The following TANC1 variants were observed in gnomAD, a reference collection of about 807,000 sequenced individuals.
TANC1 encodes the protein tetratricopeptide repeat, ankyrin repeat and coiled-coil containing 1.
Under a neutral mutation model 149.7 loss-of-function variants are expected in TANC1, and 77 were observed. That is an observed-to-expected ratio of 0.51 (90% confidence interval 0.43 to 0.62). The LOEUF is 0.62. TANC1 is among the 20% of genes least tolerant of loss of function. The probability of loss-of-function intolerance (pLI) is 0.00; values close to 1 mark genes in which losing one functional copy is unlikely to be tolerated. For synonymous variants in TANC1, 854 were observed against 925.0 expected (o/e 0.92, Z 1.39); for missense variants, 1,985 against 2,321.8 (o/e 0.85, Z 2.98).
chr2:159,185,695 A>G (rs2056907911), intron 14 of TANC1, 96 bp from the exon 15 acceptor site: 1 of 783,976 alleles, frequency 1.3e-6, no homozygotes, highest in African/African-American at 1.7e-5. Flanking sequence ...ACGGGCATAA[A>G]TCAGTGACTA....
At chr2:159,023,942 T>C (rs2149440921) in intron 2 of TANC1, among the ~76,000 whole-genome samples, 1 of 150,174 alleles carries the variant, frequency 6.7e-6, no homozygotes, top group East Asian at 2.0e-4. Context: ...CACTCCAGCC[T>C]GGGTGACAGA....
chr2:159,206,396 C>T (rs1575253433), intron 19 of TANC1, among the ~76,000 whole-genome samples: 1 of 152,154 alleles, frequency 6.6e-6, no homozygotes, highest in East Asian at 1.9e-4. Context: ...GGGTGGGTTC[C>T]GGAGACCACT....
rs370231528 is a variant in TANC1 at position 159,230,694 on chromosome 2, G to A, written c.5268G>A (p.Thr1756=). 59 of 1,614,076 alleles carry A rather than the reference G, an allele frequency of 3.7e-5. No homozygotes were observed. Among genetic ancestry groups the A allele is most frequent in the South Asian group, 9.9e-5 (9 of 91,086 alleles). Residue 1756 remains threonine (T), a synonymous_variant, in exon 27 of 27, where the codon ACG becomes ACA. Transcript: ENST00000263635. This position sits in a 1 kb window ranked among gnomAD's most constrained non-coding sequence, Gnocchi z 4.4. ...CPAPEGLLTN[T]SSAAGLQSAN... ...CACCAGAGGGGCTGCTGACAAACAC[G>A]TCTTCTGCAGCTGGCCTGCAGTCTG...
intron 2 of TANC1, among the ~76,000 whole-genome samples, chr2:159,049,860 T>C (rs948161985): frequency 6.6e-6 from 1 of 152,150 alleles, no homozygotes; most frequent in South Asian, 2.1e-4. Context: ...TTGAGGTATG[T>C]GAGCCAGGGC....
rs746901684 is a variant in TANC1, at chr2:159,224,259, G to A, written c.3706G>A (p.Val1236Met). 105 of 1,614,168 alleles carry A rather than the reference G, an allele frequency of 6.5e-5. No homozygotes were observed. The highest frequency in any genetic ancestry group is 4.2e-4 in the East Asian group (19 of 44,878). Reference protein sequence around the residue: ...TVLYLVEKGAVIEHVDHSGMR... With the variant: ...TVLYLVEKGAMIEHVDHSGMR... ...GCTGTACCTGGTGGAGAAGGGAGCCGTGATCGAGCATGTGGACCACAGCGG... is the reference window on the plus strand; with the variant it reads ...GCTGTACCTGGTGGAGAAGGGAGCCATGATCGAGCATGTGGACCACAGCGG... The change falls in exon 23 of 27, where the codon GTG (valine) becomes ATG (methionine). Residue 1236 changes from valine (V) to methionine (M), a missense_variant. By Grantham distance (21) the Val-to-Met change is conservative. Transcript: ENST00000263635.
chr2:159,194,548 T>C (rs2150700552), intron 17 of TANC1, 55 bp downstream of exon 17: 1 of 1,424,462 alleles, frequency 7.0e-7, no homozygotes, highest in Non-Finnish European at 9.9e-7. Flanking sequence ...TTCATCTCAT[T>C]GCTAGAATTG....
intron 1 of TANC1, among the ~76,000 whole-genome samples, chr2:158,981,243 TC>T (rs2034273967): frequency 6.6e-6 from 1 of 151,308 alleles, no homozygotes; most frequent in African/African-American, 2.4e-5. Flanking sequence ...TTGCTTGAAC[TC>T]AGGAGTTCGG....
intron 3 of TANC1, among the ~76,000 whole-genome samples, chr2:159,078,207 C>T (rs1421959367): frequency 1.3e-5 from 2 of 152,166 alleles, no homozygotes; most frequent in Admixed American, 1.3e-4. Flanking sequence ...AGGGCTCAAG[C>T]CCATGCTTGG....
At chr2:158,990,181 C>T (rs1011152794) in intron 1 of TANC1, among the ~76,000 whole-genome samples, 2 of 152,170 alleles carry the variant, frequency 1.3e-5, no homozygotes, top group African/African-American at 4.8e-5. Flanking sequence ...CGTGATCTGC[C>T]CGCCTCAGCC....
At chr2:159,153,259 G>A (rs988525538) in intron 7 of TANC1, among the ~76,000 whole-genome samples, 1 of 152,234 alleles carries the variant, frequency 6.6e-6, no homozygotes, top group African/African-American at 2.4e-5. Context: ...CAATGTCTGT[G>A]TTGTAACCTC....
intron 2 of TANC1, among the ~76,000 whole-genome samples, chr2:159,065,376 A>G (rs901745468): frequency 6.6e-6 from 1 of 152,180 alleles, no homozygotes; most frequent in Non-Finnish European, 1.5e-5. Context: ...ATGTGTTCCC[A>G]CTGTATTTAT....
At chr2:159,219,536 G>A in intron 21 of TANC1, 156 bp from the exon 22 acceptor site, 2 of 1,243,400 alleles carry the variant, frequency 1.6e-6, no homozygotes, top group South Asian at 1.4e-5. Context: ...CTTCAGCAGC[G>A]ATGACCATTC....
chr2:159,183,108 GA>G (rs1209505944), intron 14 of TANC1, among the ~76,000 whole-genome samples: 1 of 152,218 alleles, frequency 6.6e-6, no homozygotes, highest in Non-Finnish European at 1.5e-5. Flanking sequence ...CAGGAGTGGG[GA>G]CTTGGGGGGA....
intron 4 of TANC1, among the ~76,000 whole-genome samples, chr2:159,133,083 G>C (rs2050270190): frequency 6.6e-6 from 1 of 152,160 alleles, no homozygotes; most frequent in South Asian, 2.1e-4. Flanking sequence ...GTAGATTGGA[G>C]CTTGGAAATA....
intron 16 of TANC1, 33 bp from the exon 17 acceptor site, chr2:159,194,224 G>A (rs2057685293): frequency 6.4e-7 from 1 of 1,559,928 alleles, no homozygotes. Flanking sequence ...TGACATACAT[G>A]TGACAATCTT....
intron 4 of TANC1, among the ~76,000 whole-genome samples, chr2:159,128,242 C>T (rs2150140908): frequency 6.6e-6 from 1 of 152,308 alleles, no homozygotes; most frequent in East Asian, 1.9e-4. Context: ...AGGCCCCAGG[C>T]CCTTGTAAAA....
At chr2:159,219,169 C>T in intron 20 of TANC1, 69 bp from the exon 21 acceptor site, 1 of 1,595,828 alleles carries the variant, frequency 6.3e-7, no homozygotes, top group Non-Finnish European at 8.6e-7. Context: ...GGTTGAGAAA[C>T]CTGCCTGGGT....
intron 1 of TANC1, among the ~76,000 whole-genome samples, chr2:158,976,650 G>A (rs1458657007): frequency 6.6e-6 from 1 of 152,174 alleles, no homozygotes; most frequent in Non-Finnish European, 1.5e-5. Context: ...GGAGGCCAAG[G>A]CGGGCAGATC....
At chr2:159,025,189 T>TTTTCTTTCTTTTTC (rs2039188038) in intron 2 of TANC1, among the ~76,000 whole-genome samples, 1 of 105,222 alleles carries the variant, frequency 9.5e-6, no homozygotes. Flanking sequence ...TTTTTCTTTC[T>TTTTCTTTCTTTTTC]TTTCTTTCTT....
Sources: gnomAD v4.1 joint callset for allele counts (sites outside exome capture counted in the v4.1 genomes callset) on GRCh38, gnomAD v4.1.1 for gene constraint, Gnocchi (gnomAD v3.1) non-coding constraint, MANE v1.5 for transcripts, NCBI Gene and HGNC (gene_info 2026-07-23, HGNC 2026-07-21) for gene names.